The following RELN variants were observed in gnomAD, a reference collection of about 807,000 sequenced individuals.
RELN encodes reelin.
Under a neutral mutation model 427.6 loss-of-function variants are expected in RELN, and 108 were observed. That is an observed-to-expected ratio of 0.25 (90% CI 0.22 to 0.30). The LOEUF (loss-of-function observed/expected upper bound fraction) is 0.30. Among genes scored for constraint, RELN ranks in the 10% least tolerant of loss-of-function variants. The pLI, the probability that RELN is intolerant of heterozygous loss-of-function variation, is 1.00. For synonymous variants in RELN, 1,524 were observed against 1,513.4 expected, an observed-to-expected ratio of 1.01 and a Z score of -0.16; for missense variants, 3,715 against 4,302.8, an observed-to-expected ratio of 0.86 and a Z score of 3.82.
At chr7:103,566,842 G>T in intron 31 of RELN, 83 bp from the exon 32 acceptor site, 1 of 1,339,290 alleles carries the variant, frequency 7.5e-7, no homozygotes. Flanking sequence ...TGAGACTGCA[G>T]CAACCTCAAA....
intron 1 of RELN, among the ~76,000 whole-genome samples, chr7:103,931,111 T>A (rs1468577105): frequency 6.6e-6 from 1 of 152,056 alleles, no homozygotes; most frequent in African/African-American, 2.4e-5. Context: ...AGTGCATCCT[T>A]AACTTTTATT....
intron 17 of RELN, among the ~76,000 whole-genome samples, chr7:103,637,057 C>G (rs909249688): frequency 2.6e-5 from 4 of 152,102 alleles, no homozygotes; most frequent in Admixed American, 1.3e-4. Context: ...AGTGGCACTT[C>G]AAGAAAAACA....
intron 3 of RELN, among the ~76,000 whole-genome samples, chr7:103,781,306 C>A (rs1018013143): frequency 2.0e-5 from 3 of 152,068 alleles, no homozygotes; most frequent in Non-Finnish European, 4.4e-5. Context: ...AGAATCACAG[C>A]ATTTATTTCA....
At chr7:103,550,988 A>G in intron 41 of RELN, 79 bp downstream of exon 41, 1 of 1,172,372 alleles carries the variant, frequency 8.5e-7, no homozygotes, top group African/African-American at 1.5e-5. Flanking sequence ...TCCCCATGAT[A>G]AAGTGGCAAG....
chr7:103,586,619 C>G (rs1047678128), intron 28 of RELN, among the ~76,000 whole-genome samples: 2 of 152,066 alleles, frequency 1.3e-5, no homozygotes, highest in Admixed American at 1.3e-4. Flanking sequence ...ATGACATGAT[C>G]TTATACCTAG....
rs1584240977 is a variant in RELN at position 103,503,033 on chromosome 7, A to G, written c.8472T>C (p.Pro2824=). 6.2e-7 allele frequency: 1 copy of G among 1,613,834 alleles called. No homozygotes were observed. Among genetic ancestry groups the G allele is most frequent in the African/African-American group, 1.3e-5 (1 of 74,934 alleles). The change falls in exon 52 of 65, where the codon CCT becomes CCC. Residue 2824 remains proline, a synonymous_variant. Transcript: ENST00000428762. ...CTACTTACTTTCCCACTAAGCTTTCAGGAAGTGGGTAGGTGATCCTTTTCC... is the reference window on the plus strand; with the variant it reads ...CTACTTACTTTCCCACTAAGCTTTCGGGAAGTGGGTAGGTGATCCTTTTCC... ...KGWKRITYPL[P]ESLVGNPVRF... is the part of the protein sequence containing the mutation.
chr7:103,544,133 A>ATATACT, intron 42 of RELN, among the ~76,000 whole-genome samples: 1 of 149,946 alleles, frequency 6.7e-6, no homozygotes, highest in Non-Finnish European at 1.5e-5. Flanking sequence ...GTTCCACTGT[A>ATATACT]TGGATATACT....
chr7:103,632,952 A>G (rs1205311301), intron 19 of RELN, among the ~76,000 whole-genome samples: 2 of 152,168 alleles, frequency 1.3e-5, no homozygotes, highest in East Asian at 3.8e-4. Context: ...CCTATAATTA[A>G]GAAGAAAAGC....
chr7:103,570,193 C>G (rs545699368), intron 31 of RELN, among the ~76,000 whole-genome samples: 41 of 147,370 alleles, frequency 2.8e-4, no homozygotes, highest in African/African-American at 9.5e-4. Flanking sequence ...ATCTGCATCA[C>G]AGGGCAGAAA....
At chr7:103,677,134 C>G (rs756253675) in intron 11 of RELN, among the ~76,000 whole-genome samples, 2 of 151,978 alleles carry the variant, frequency 1.3e-5, no homozygotes, top group Middle Eastern at 3.4e-3. Context: ...AAGCTGGAAA[C>G]CATTATTCTC....
chr7:103,987,347 G>A lies in RELN; in HGVS notation c.226+1784C>T, dbSNP rs559541573. ...TGTTATCCATTCCTTTTCAGACTTAGATATGTGATTATGGTGAGTCTTAAG... is the reference window on the plus strand; with the variant it reads ...TGTTATCCATTCCTTTTCAGACTTAAATATGTGATTATGGTGAGTCTTAAG... On this transcript the variant is annotated intron_variant, in intron 1 of 64. Coordinates refer to ENST00000428762, the MANE Select transcript of RELN (RefSeq NM_005045.4). Among the ~76,000 whole-genome samples the A allele has an allele frequency of 3.3e-5, 5 of 152,278 alleles. No individual in the cohort carries two copies. In the South Asian group the frequency reaches 1.0e-3, roughly 32 times the overall value.
At chr7:103,745,521 C>T (rs139895727) in intron 6 of RELN, among the ~76,000 whole-genome samples, 7,924 of 148,498 alleles carry the variant, frequency 0.053, 279 homozygotes, top group Middle Eastern at 0.072. Context: ...AAAACCCCAT[C>T]GTCTCAGCCC....
chr7:103,926,119 T>TTTTTTTTA (rs1795729234), intron 1 of RELN, among the ~76,000 whole-genome samples: 4 of 133,014 alleles, frequency 3.0e-5, no homozygotes, highest in East Asian at 2.0e-4. Context: ...TTTTTTTTTT[T>TTTTTTTTA]GAGATGGAGT....
chr7:103,894,584 C>T (rs899461667), intron 2 of RELN, among the ~76,000 whole-genome samples: 2 of 152,016 alleles, frequency 1.3e-5, no homozygotes, highest in Non-Finnish European at 2.9e-5. Context: ...AATGGTAATT[C>T]CTGCATTAAC....
intron 2 of RELN, among the ~76,000 whole-genome samples, chr7:103,871,148 A>C (rs1040655572): frequency 1.8e-4 from 28 of 152,146 alleles, no homozygotes; most frequent in South Asian, 2.1e-4. Flanking sequence ...GTTGGCTAAA[A>C]AGGAAGTGCC....
At chr7:103,664,525 A>G (rs367903638) in intron 11 of RELN, among the ~76,000 whole-genome samples, 2 of 152,344 alleles carry the variant, frequency 1.3e-5, no homozygotes, top group East Asian at 1.9e-4. Flanking sequence ...GTATATATCT[A>G]GAAGTGGAGT....
chr7:103,755,715 C>T (rs2116099510), intron 4 of RELN, among the ~76,000 whole-genome samples: 1 of 127,724 alleles, frequency 7.8e-6, no homozygotes, highest in East Asian at 2.3e-4. Flanking sequence ...ACTCAGGAGG[C>T]TGAGGCAGGA....
At position 103,698,599 on chromosome 7, in the gene RELN, G is replaced by A. The variant is rs549534295; in HGVS notation, c.903-506C>T. Among the ~76,000 whole-genome samples, 85 of 152,232 alleles carry A rather than the reference G, an allele frequency of 5.6e-4. 1 individual carries two copies. The highest frequency in any genetic ancestry group is 2.0e-3 in the African/African-American group (85 of 41,540). On this transcript the variant is annotated intron_variant, in intron 9 of 64. Coordinates refer to ENST00000428762, the MANE Select transcript of RELN (RefSeq NM_005045.4). ...CACTATCACAGATCACCGTAACCTT[G>A]AACTCCTGGCTCAAGTGATCCTCAC...
At chr7:103,532,777 T>C (rs1023087113) in intron 46 of RELN, among the ~76,000 whole-genome samples, 1 of 152,190 alleles carries the variant, frequency 6.6e-6, no homozygotes, top group Non-Finnish European at 1.5e-5. Context: ...TTATCCTTTT[T>C]TCAAGAAAGC....
Sources: allele counts gnomAD v4.1 joint callset (sites outside exome capture counted in the v4.1 genomes callset), GRCh38; gene constraint gnomAD v4.1.1; transcripts MANE v1.5; gene names NCBI Gene and HGNC (gene_info 2026-07-23, HGNC 2026-07-21).